Variants in PIK3C2G observed in about 807,000 individuals in gnomAD.
The protein encoded by PIK3C2G is phosphatidylinositol 3-kinase C2 domain-containing subunit gamma.
PIK3C2G carries 168 observed loss-of-function variants against 181.1 expected under a neutral mutation model. The ratio of observed to expected loss-of-function variants is 0.93; its 90% CI spans 0.82 to 1.05. The LOEUF is 1.05. Ranked by LOEUF, PIK3C2G falls within the 50% of genes least tolerant of loss-of-function variation. The probability of loss-of-function intolerance (pLI) is 0.00; values close to 1 mark genes in which losing one functional copy is unlikely to be tolerated. For synonymous variants in PIK3C2G, 573 were observed against 592.2 expected (o/e 0.97, Z 0.47); for missense variants, 1,869 against 1,732.8 (o/e 1.08, Z -1.40).
intron 1 of PIK3C2G, among the ~76,000 whole-genome samples, chr12:18,280,346 G>A (rs1311457455): frequency 1.3e-5 from 2 of 152,002 alleles, no homozygotes; most frequent in African/African-American, 4.8e-5. Flanking sequence ...CCAATAAGAA[G>A]TGTAAACAGT....
Position 18,496,158 on chromosome 12 carries a change from T to C in PIK3C2G, c.2886+4T>C, listed in dbSNP as rs767088971. The C allele has an allele frequency of 6.7e-7, 1 of 1,481,492 alleles. No homozygotes were observed. The highest frequency in any genetic ancestry group is 9.2e-7 in the Non-Finnish European group (1 of 1,092,368). 91.8% of individuals were successfully genotyped at this position (1,481,492 alleles called of 1,614,324 possible). ...AAACATCAGCATTATTTTTAAGGTA[T>C]GGTAGCGCTCTTAAAACATGAATTG... On this transcript the variant is annotated splice_donor_region_variant and intron_variant, in intron 21 of 32. Transcript: ENST00000538779.
Position 18,325,076 on chromosome 12 carries a change from T to A in PIK3C2G, c.1250T>A (p.Leu417Gln). Residue 417 changes from leucine (L) to glutamine (Q), a missense_variant, in exon 8 of 33, where the codon CTG becomes CAG. Coordinates refer to ENST00000538779, the MANE Select transcript of PIK3C2G (RefSeq NM_001288772.2). ...LTLIRKYDFH[L>Q]KYLLKTQENV... Reference sequence around the variant, plus strand: ...CTCATCAGAAAATATGACTTCCACCTGAAATACCTATTGAAAACCCAGGTA... The same window carrying A: ...CTCATCAGAAAATATGACTTCCACCAGAAATACCTATTGAAAACCCAGGTA... The A allele has an allele frequency of 6.4e-7, 1 of 1,572,856 alleles. No homozygotes were observed. The highest frequency in any genetic ancestry group is 1.1e-5 in the South Asian group (1 of 88,810).
chr12:18,471,107 T>A (rs1168372037), intron 18 of PIK3C2G, among the ~76,000 whole-genome samples: 1 of 152,094 alleles, frequency 6.6e-6, no homozygotes, highest in African/African-American at 2.4e-5. Context: ...CCCTCAGCAA[T>A]GCAATTATCT....
At chr12:18,570,103 A>G (rs1945847058) in intron 29 of PIK3C2G, among the ~76,000 whole-genome samples, 2 of 152,154 alleles carry the variant, frequency 1.3e-5, no homozygotes, top group Admixed American at 6.5e-5. Context: ...CCTCAATGTC[A>G]TAAATGTGTG....
chr12:18,722,396 A>G, the PIK3C2G span, among the ~76,000 whole-genome samples: 1 of 152,106 alleles, frequency 6.6e-6, no homozygotes, highest in Admixed American at 6.6e-5. Context: ...ATTTGAATAA[A>G]TTATGAATGT....
intron 18 of PIK3C2G, among the ~76,000 whole-genome samples, chr12:18,472,472 C>T (rs1938550596): frequency 6.6e-6 from 1 of 152,106 alleles, no homozygotes; most frequent in African/African-American, 2.4e-5. Flanking sequence ...CTACTCCCAA[C>T]TATAATGTAA....
At chr12:18,578,553 C>T (rs898430918) in intron 29 of PIK3C2G, among the ~76,000 whole-genome samples, 21 of 152,170 alleles carry the variant, frequency 1.4e-4, no homozygotes, top group South Asian at 1.0e-3. Context: ...TTGCCTAAGT[C>T]AGTTTGTTTA....
chr12:18,642,985 G>A (rs530303740), intron 32 of PIK3C2G, among the ~76,000 whole-genome samples: 1 of 152,004 alleles, frequency 6.6e-6, no homozygotes, highest in African/African-American at 2.4e-5. Context: ...CATACTTTTT[G>A]AGTACAAGTC....
chr12:18,332,544 C>G (rs1437925540), intron 8 of PIK3C2G, among the ~76,000 whole-genome samples: 2 of 152,072 alleles, frequency 1.3e-5, no homozygotes, highest in Non-Finnish European at 2.9e-5. Context: ...TCCCTGACCT[C>G]TAATGGGTAT....
chr12:18,423,146 AGT>A (rs200060648), intron 17 of PIK3C2G, among the ~76,000 whole-genome samples: 39 of 149,230 alleles, frequency 2.6e-4, no homozygotes, highest in South Asian at 1.7e-3. Flanking sequence ...AGAGAGAGAG[AGT>A]GTGTGTGTGT....
chr12:18,700,057 A>T, the PIK3C2G span: 2 of 960,110 alleles, frequency 2.1e-6, no homozygotes, highest in Non-Finnish European at 1.6e-6. Flanking sequence ...TCATCTTTTC[A>T]TAAGATTATC....
At chr12:18,534,514 T>C (rs925953282) in intron 24 of PIK3C2G, among the ~76,000 whole-genome samples, 21 of 152,082 alleles carry the variant, frequency 1.4e-4, no homozygotes, top group Middle Eastern at 3.2e-3. Flanking sequence ...ACTTATGGCC[T>C]TCCCAAATAA....
chr12:18,569,433 C>T (rs1174850872), intron 29 of PIK3C2G, among the ~76,000 whole-genome samples: 1 of 152,076 alleles, frequency 6.6e-6, no homozygotes, highest in Non-Finnish European at 1.5e-5. Context: ...TTTAGGCCAA[C>T]AATGCAGTGA....
chr12:18,701,664 A>T, the PIK3C2G span: 1 of 1,600,624 alleles, frequency 6.2e-7, no homozygotes, highest in South Asian at 1.1e-5. Flanking sequence ...TCCATCTGCC[A>T]CTTCTTCTTC....
At chr12:18,601,416 G>A (rs1279611367) in intron 30 of PIK3C2G, among the ~76,000 whole-genome samples, 1 of 152,016 alleles carries the variant, frequency 6.6e-6, no homozygotes, top group South Asian at 2.1e-4. Flanking sequence ...GCTTAAAAAC[G>A]CTGATCTCAA....
At chr12:18,561,762 T>G (rs1945356870) in intron 26 of PIK3C2G, among the ~76,000 whole-genome samples, 1 of 151,442 alleles carries the variant, frequency 6.6e-6, no homozygotes, top group Non-Finnish European at 1.5e-5. Context: ...AAAAAACCTT[T>G]AAAAAGCAGA....
chr12:18,373,485 C>A (rs1404429037), intron 13 of PIK3C2G, among the ~76,000 whole-genome samples: 1 of 152,150 alleles, frequency 6.6e-6, no homozygotes, highest in Non-Finnish European at 1.5e-5. Context: ...GTTAGGGCTG[C>A]ATCAACAAAG....
At chr12:18,545,814 C>G (rs1944392471) in intron 25 of PIK3C2G, among the ~76,000 whole-genome samples, 1 of 151,846 alleles carries the variant, frequency 6.6e-6, no homozygotes, top group Non-Finnish European at 1.5e-5. Context: ...ATCATTTGAC[C>G]TGGACATATC....
chr12:18,709,596 C>G, the PIK3C2G span, among the ~76,000 whole-genome samples: 6 of 151,980 alleles, frequency 3.9e-5, no homozygotes, highest in African/African-American at 1.4e-4. Flanking sequence ...AATCTGTACA[C>G]TGTAGCCTAG....
Sources: allele counts gnomAD v4.1 joint callset (sites outside exome capture counted in the v4.1 genomes callset), GRCh38; gene constraint gnomAD v4.1.1; transcripts MANE v1.5; gene names NCBI Gene and HGNC (gene_info 2026-07-23, HGNC 2026-07-21).